USP50: variants seen among roughly 807,000 people sequenced by gnomAD.
The protein encoded by USP50 is ubiquitin specific peptidase 50.
In USP50, 37 loss-of-function variants were observed where a neutral mutation model predicts 39.2. The ratio of observed to expected loss-of-function variants is 0.94; its 90% confidence interval spans 0.73 to 1.24. USP50 has a LOEUF of 1.24. USP50 is among the 50% of genes most tolerant of loss of function. The pLI, the probability that USP50 is intolerant of heterozygous loss-of-function variation, is 0.00. For synonymous variants in USP50, 139 were observed against 144.5 expected, an observed-to-expected ratio of 0.96 and a Z score of 0.27; for missense variants, 374 against 398.2, an observed-to-expected ratio of 0.94 and a Z score of 0.52.
intron 4 of USP50, 128 bp downstream of exon 4, chr15:50,540,921 G>T: frequency 1.3e-6 from 1 of 745,810 alleles, no homozygotes; most frequent in Non-Finnish European, 2.2e-6. Context: ...ACCGCACTCA[G>T]TCTATTTTTT....
rs561053831 is a variant in USP50 at position 50,538,579 on chromosome 15, A to T, written c.803+130T>A. On this transcript the variant is annotated intron_variant, in intron 5 of 6. Transcript: ENST00000532404. The stretch of plus-strand genomic sequence containing the variant: ...TGCTGTATATATTTTATCACAATTT[A>T]AAAACAATAATGTAATATACCAAAT... 6 of 1,051,544 alleles carry T rather than the reference A, an allele frequency of 5.7e-6. No homozygotes were observed. In the African/African-American group the frequency reaches 9.7e-5, roughly 17 times the overall value. 65.1% of individuals were successfully genotyped at this position (1,051,544 alleles called of 1,614,324 possible). A position where few individuals can be genotyped will look rare whatever the true frequency, so the allele number is the denominator to read the frequency against.
chr15:50,499,572 A>G (rs565983493), downstream of USP50: 4 of 149,690 alleles, frequency 2.7e-5, no homozygotes, highest in African/African-American at 9.9e-5. Context: ...CCTAGAACTC[A>G]GAGGATTGCT....
intron 6 of USP50, chr15:50,510,704 A>C (rs1012642618): frequency 9.2e-5 from 14 of 152,170 alleles, no homozygotes; most frequent in African/African-American, 3.1e-4. Flanking sequence ...GAAAGTAATA[A>C]AAGTGTATAC....
Position 50,546,625 on chromosome 15 carries a change from A to T in USP50, c.-100T>A, listed in dbSNP as rs948694405. 1.3e-5 allele frequency: 17 copies of T among 1,337,942 alleles called. No homozygotes were observed. Among genetic ancestry groups the T allele is most frequent in the African/African-American group, 2.9e-5 (2 of 69,450 alleles). The allele number at this position is 1,337,942 out of a possible 1,614,324, so 82.9% of individuals were successfully genotyped here. ...CCTGTTAACGCTGGCTTTTTGTTTTAAACAATTGATATGCTCCTCTCTCTT... is the reference window on the plus strand; with the variant it reads ...CCTGTTAACGCTGGCTTTTTGTTTTTAACAATTGATATGCTCCTCTCTCTT... On this transcript the variant is annotated 5_prime_UTR_variant, in exon 1 of 7. Transcript: ENST00000532404.
At chr15:50,516,749 C>CTATA (rs59705292) in intron 6 of USP50, among the ~76,000 whole-genome samples, 1 of 149,914 alleles carries the variant, frequency 6.7e-6, no homozygotes, top group Non-Finnish European at 1.5e-5. Flanking sequence ...AGAGTGGTAG[C>CTATA]TATATATATA....
chr15:50,494,306 G>T (rs1466408806), intron 1 of USP50: 1 of 1,577,630 alleles, frequency 6.3e-7, no homozygotes, highest in Non-Finnish European at 8.6e-7. Context: ...TTTCTAAGTT[G>T]CAGAGACTCT....
chr15:50,533,868 T>C (rs2052960129), intron 5 of USP50, among the ~76,000 whole-genome samples: 1 of 151,938 alleles, frequency 6.6e-6, no homozygotes, highest in African/African-American at 2.4e-5. Context: ...GGCATGGTGG[T>C]GTGGGCCTGT....
At chr15:50,497,787 G>T (rs2052474660), downstream of USP50, 1 of 152,088 alleles carries the variant, frequency 6.6e-6, no homozygotes, top group Non-Finnish European at 1.5e-5. Context: ...CATAATCCAT[G>T]TAACTCAAGA....
At chr15:50,546,391 C>T (rs2053071120) in intron 1 of USP50, 82 bp downstream of exon 1, 1 of 1,447,578 alleles carries the variant, frequency 6.9e-7, no homozygotes, top group Admixed American at 1.7e-5. Context: ...CTCCTGAATG[C>T]AGTGTGTGTC....
downstream of USP50, chr15:50,498,819 C>A: frequency 6.5e-7 from 1 of 1,542,446 alleles, no homozygotes; most frequent in South Asian, 1.3e-5. Flanking sequence ...AGAGTAAGAA[C>A]AACATAAAGC....
intron 6 of USP50, chr15:50,514,403 A>G (rs886614546): frequency 6.6e-6 from 1 of 152,148 alleles, no homozygotes; most frequent in Non-Finnish European, 1.5e-5. Context: ...TCACTTCAAT[A>G]AAGTTTATTT....
downstream of USP50, chr15:50,493,369 T>A (rs771964471): frequency 1.5e-5 from 8 of 519,688 alleles, no homozygotes; most frequent in South Asian, 1.1e-4. Context: ...CATGTTGACA[T>A]CAAGAACCCA....
At chr15:50,493,492 C>T, downstream of USP50, 1 of 518,792 alleles carries the variant, frequency 1.9e-6, no homozygotes, top group Non-Finnish European at 3.8e-6. Context: ...GTGGCTCACA[C>T]TGGTAATCCT....
intron 6 of USP50, chr15:50,511,215 T>C (rs1309996790): frequency 6.6e-6 from 1 of 152,142 alleles, no homozygotes; most frequent in Admixed American, 6.5e-5. Flanking sequence ...CTCAAAACCA[T>C]GACATACCAG....
At position 50,541,056 on chromosome 15, in the gene USP50, G is replaced by A; in HGVS notation, c.653C>T (p.Ser218Phe). The A allele has an allele frequency of 3.1e-6, 5 of 1,612,936 alleles. No individual in the cohort carries two copies. Among genetic ancestry groups the A allele is most frequent in the South Asian group, 1.1e-5 (1 of 91,038 alleles). Residue 218 changes from serine to phenylalanine, a missense_variant, in exon 4 of 7, where the codon TCC (serine) becomes TTC (phenylalanine). Ser to Phe is a radical substitution (Grantham distance 155). Transcript: ENST00000532404. ...GGAATACTGCATTCCTACCCGAAGG[G>A]AGCATTCATATTTGGATGGAATGGG... The part of the protein sequence containing the change: ...SLPIPSKYEC[S>F]LRDCLQCFFQ...
At chr15:50,496,613 A>ATTTCAGGATTGTTAGTATGT (rs2052421916), downstream of USP50, among the ~76,000 whole-genome samples, 1 of 151,698 alleles carries the variant, frequency 6.6e-6, no homozygotes, top group African/African-American at 2.4e-5. Flanking sequence ...TTCTTTCAGG[A>ATTTCAGGATTGTTAGTATGT]TTTCAGGATT....
intron 3 of USP50, 48 bp downstream of exon 3, chr15:50,543,550 G>A: frequency 6.5e-7 from 1 of 1,539,210 alleles, no homozygotes; most frequent in Non-Finnish European, 8.9e-7. Flanking sequence ...GGAAGCTGCT[G>A]ATAAAGGTTC....
chr15:50,546,213 G>C (rs1160969625), intron 1 of USP50, among the ~76,000 whole-genome samples: 2 of 152,094 alleles, frequency 1.3e-5, no homozygotes, highest in African/African-American at 2.4e-5. Flanking sequence ...ATGCCAGTTT[G>C]AAAAGTGTTC....
chr15:50,522,445 T>C (rs2052857744), intron 6 of USP50, among the ~76,000 whole-genome samples: 1 of 152,178 alleles, frequency 6.6e-6, no homozygotes, highest in Non-Finnish European at 1.5e-5. Flanking sequence ...ACTTCACAGC[T>C]GAATTCTACC....
Sources: allele counts gnomAD v4.1 joint callset (sites outside exome capture counted in the v4.1 genomes callset), GRCh38; gene constraint gnomAD v4.1.1; transcripts MANE v1.5; gene names NCBI Gene and HGNC (gene_info 2026-07-23, HGNC 2026-07-21).